The following KIAA0930 variants were observed in gnomAD, a reference collection of about 807,000 sequenced individuals.
KIAA0930 encodes the protein KIAA0930, also known as uncharacterized protein KIAA0930.
In KIAA0930, 24 loss-of-function variants were observed where a neutral mutation model predicts 43.9. The ratio of observed to expected loss-of-function variants is 0.55; its 90% CI spans 0.40 to 0.77. KIAA0930 has a LOEUF of 0.77. KIAA0930 is among the 30% of genes least tolerant of loss of function. The probability of loss-of-function intolerance (pLI) is 0.00; values close to 1 mark genes in which losing one functional copy is unlikely to be tolerated. For synonymous variants in KIAA0930, 259 were observed against 216.4 expected (o/e 1.20, Z -1.73); for missense variants, 461 against 574.2 (o/e 0.80, Z 2.02).
At position 45,197,777 on chromosome 22, in the gene KIAA0930, C is replaced by T. The variant is rs757950783; in HGVS notation, c.1174+13G>A. 6 of 1,613,608 alleles carry T rather than the reference C, an allele frequency of 3.7e-6. No homozygotes were observed. The highest frequency in any genetic ancestry group is 1.7e-4 in the Middle Eastern group (1 of 6,060). On this transcript the variant is annotated intron_variant, in intron 9 of 9. Transcript: ENST00000336156. Reference sequence around the variant, plus strand: ...AGAAGGTGCGGCTGCTTCCCCACATCCGCCAGCATTACCTGTTAAAATCCG... The same window carrying T: ...AGAAGGTGCGGCTGCTTCCCCACATTCGCCAGCATTACCTGTTAAAATCCG...
chr22:45,223,224 T>G (rs76079956), intron 1 of KIAA0930, among the ~76,000 whole-genome samples: 3,094 of 152,332 alleles, frequency 0.02, 103 homozygotes, highest in African/African-American at 0.07. Context: ...TAAAAAAGAT[T>G]GAAGCAACTC....
At chr22:45,240,118 C>G (rs1211883244) in intron 1 of KIAA0930, among the ~76,000 whole-genome samples, 1 of 152,120 alleles carries the variant, frequency 6.6e-6, no homozygotes, top group Non-Finnish European at 1.5e-5. Flanking sequence ...CTGGATACAG[C>G]TAAGGGATGA....
intron 1 of KIAA0930, 118 bp from the exon 2 acceptor site, chr22:45,212,225 T>C (rs762902371): frequency 4.3e-6 from 7 of 1,612,548 alleles, no homozygotes; most frequent in South Asian, 1.1e-5. Flanking sequence ...GCGAGGGCTC[T>C]GAGATGCGCC....
chr22:45,217,331 A>G (rs1381044521), intron 1 of KIAA0930, among the ~76,000 whole-genome samples: 3 of 136,862 alleles, frequency 2.2e-5, no homozygotes, highest in African/African-American at 8.2e-5. Context: ...ACTGCACTCT[A>G]GCCTGGGAGA....
intron 1 of KIAA0930, among the ~76,000 whole-genome samples, chr22:45,219,296 G>C (rs145853582): frequency 3.9e-5 from 6 of 152,150 alleles, no homozygotes; most frequent in Non-Finnish European, 7.3e-5. Flanking sequence ...ACTTAGAAAC[G>C]ATGAATGACA....
intron 1 of KIAA0930, among the ~76,000 whole-genome samples, chr22:45,224,850 C>A (rs550044824): frequency 3.9e-5 from 6 of 152,210 alleles, no homozygotes; most frequent in African/African-American, 1.4e-4. Context: ...GCTGGAGGGG[C>A]CGGGCCCTCT....
intron 7 of KIAA0930, 90 bp from the exon 8 acceptor site, chr22:45,200,125 C>G: frequency 7.7e-7 from 1 of 1,305,600 alleles, no homozygotes; most frequent in Non-Finnish European, 1.0e-6. Context: ...CTCAAACAAC[C>G]TGACACAGCT....
intron 1 of KIAA0930, among the ~76,000 whole-genome samples, chr22:45,237,783 C>T (rs1376227690): frequency 6.6e-6 from 1 of 152,184 alleles, no homozygotes; most frequent in African/African-American, 2.4e-5. Flanking sequence ...TCAGTGGACG[C>T]AGAAGTGCTC....
At chr22:45,211,823 G>A in intron 2 of KIAA0930, 133 bp downstream of exon 2, 1 of 895,562 alleles carries the variant, frequency 1.1e-6, no homozygotes, top group Non-Finnish European at 1.7e-6. Flanking sequence ...GAATACAGTA[G>A]GTGCTCAATA....
At chr22:45,204,011 G>A in intron 5 of KIAA0930, 26 bp from the exon 6 acceptor site, 3 of 1,613,052 alleles carry the variant, frequency 1.9e-6, no homozygotes, top group Non-Finnish European at 2.5e-6. Context: ...AAGAGACAGG[G>A]ACGTGACCAT....
intron 5 of KIAA0930, 125 bp from the exon 6 acceptor site, chr22:45,204,110 A>C (rs2083614812): frequency 7.9e-7 from 1 of 1,272,752 alleles, no homozygotes; most frequent in Admixed American, 2.0e-5. Flanking sequence ...ACCGGCTGTC[A>C]CACACTCCTG....
chr22:45,222,711 C>T (rs541914630), intron 1 of KIAA0930, among the ~76,000 whole-genome samples: 2 of 143,238 alleles, frequency 1.4e-5, no homozygotes, highest in Admixed American at 1.4e-4. Flanking sequence ...ACACTGGAAA[C>T]ACAGACGGAA....
At chr22:45,205,364 C>T (rs766157499) in intron 4 of KIAA0930, 46 bp from the exon 5 acceptor site, 8 of 1,542,898 alleles carry the variant, frequency 5.2e-6, no homozygotes, top group Admixed American at 1.7e-5. Flanking sequence ...CCACCCGGCA[C>T]ACAGGCCCAG....
intron 1 of KIAA0930, among the ~76,000 whole-genome samples, chr22:45,233,239 G>A (rs760871096): frequency 6.6e-6 from 1 of 152,156 alleles, no homozygotes; most frequent in Non-Finnish European, 1.5e-5. Flanking sequence ...TCACTCAGAT[G>A]CCCAGGTCGG....
At chr22:45,211,921 C>A in intron 2 of KIAA0930, 35 bp downstream of exon 2, 1 of 1,597,866 alleles carries the variant, frequency 6.3e-7, no homozygotes, top group Non-Finnish European at 8.5e-7. Context: ...ATGCTTGGGG[C>A]ACAGACGCAG....
chr22:45,204,048 T>A, intron 5 of KIAA0930, 63 bp from the exon 6 acceptor site: 2 of 1,600,514 alleles, frequency 1.2e-6, no homozygotes, highest in Non-Finnish European at 8.5e-7. Flanking sequence ...CACCACAGCC[T>A]GGCCCAACTG....
At chr22:45,216,233 C>T (rs16993701) in intron 1 of KIAA0930, among the ~76,000 whole-genome samples, 23,732 of 152,050 alleles carry the variant, frequency 0.16, 2,142 homozygotes, top group African/African-American at 0.24. Context: ...GTCCTGACGC[C>T]ACCCTTCCCT....
In KIAA0930 at chr22:45,195,481, C is replaced by T. The variant is rs1222546465; in HGVS notation, c.*1695G>A. The T allele has an allele frequency of 6.6e-6, 1 of 152,328 alleles. No homozygotes were observed. Among genetic ancestry groups the T allele is most frequent in the East Asian group, 1.9e-4 (1 of 5,190 alleles). The allele number at this position is 152,328 out of a possible 1,614,324, so 9.4% of individuals were successfully genotyped here. A position where few individuals can be genotyped will look rare whatever the true frequency, so the allele number is the denominator to read the frequency against. On this transcript the variant is annotated 3_prime_UTR_variant, in exon 10 of 10. Transcript: ENST00000336156. ...AAATGGGGCTGGACCATGCTCGGGG[C>T]TCCCTGAGGCTCTGTCCCCACACTT...
At chr22:45,203,823 C>T (rs542623353) in intron 6 of KIAA0930, 22 bp downstream of exon 6, 26 of 1,611,608 alleles carry the variant, frequency 1.6e-5, no homozygotes, top group East Asian at 1.3e-4. Flanking sequence ...GAAGAACACC[C>T]GTGAGGCCGC....
Sources: allele counts gnomAD v4.1 joint callset (sites outside exome capture counted in the v4.1 genomes callset), GRCh38; gene constraint gnomAD v4.1.1; transcripts MANE v1.5; gene names NCBI Gene and HGNC (gene_info 2026-07-23, HGNC 2026-07-21).